Variants in SEC22C observed in about 807,000 individuals in gnomAD.
SEC22C encodes the protein SEC22 homolog C, vesicle trafficking protein, also known as vesicle-trafficking protein SEC22c.
In SEC22C, 29 loss-of-function variants were observed where a neutral mutation model predicts 34.7. The ratio of observed to expected loss-of-function variants is 0.84; its 90% CI spans 0.62 to 1.14. The LOEUF (loss-of-function observed/expected upper bound fraction) is 1.14. Among genes scored for constraint, SEC22C ranks in the 50% most tolerant of loss-of-function variants. SEC22C has a pLI of 0.00. For synonymous variants in SEC22C, 117 were observed against 132.8 expected, an observed-to-expected ratio of 0.88 and a Z score of 0.82; for missense variants, 337 against 369.0, an observed-to-expected ratio of 0.91 and a Z score of 0.71.
At position 42,548,990 on chromosome 3, in the gene SEC22C, T is replaced by C; in HGVS notation, c.*4258A>G. 9.5e-7 allele frequency: 1 copy of C among 1,053,278 alleles called. No individual in the cohort carries two copies. Among genetic ancestry groups the C allele is most frequent in the South Asian group, 3.6e-5 (1 of 27,998 alleles). The allele number at this position is 1,053,278 out of a possible 1,614,324, so 65.2% of individuals were successfully genotyped here. A position where few individuals can be genotyped will look rare whatever the true frequency, so the allele number is the denominator to read the frequency against. Reference sequence around the variant, plus strand: ...ATTGATGTTATCACCATTTACCAGATGAGGAAACTGAGGCCTGATGGGCAG... The same window carrying C: ...ATTGATGTTATCACCATTTACCAGACGAGGAAACTGAGGCCTGATGGGCAG... On this transcript the variant is annotated 3_prime_UTR_variant, in exon 7 of 7. Coordinates refer to ENST00000264454, the MANE Select transcript of SEC22C (RefSeq NM_032970.4).
At chr3:42,576,554 AC>A (rs1234988506) in intron 1 of SEC22C, among the ~76,000 whole-genome samples, 1 of 152,128 alleles carries the variant, frequency 6.6e-6, no homozygotes, top group African/African-American at 2.4e-5. Flanking sequence ...TAAATAAAAT[AC>A]TTAGATATAA....
rs377425944 is a variant in SEC22C at position 42,597,524 on chromosome 3, C to A, written c.-28+3436G>T. 2.7e-4 allele frequency among the ~76,000 whole-genome samples: 41 copies of A among 151,470 alleles called. No homozygotes were observed. The East Asian group carries it at 7.6e-3, about 28-fold the overall frequency. ...TGAGCCAAGATCGTGCCACTGCACT[C>A]CAACCTGGGCGACGGAGCGAGACTT... is the stretch of plus-strand genomic sequence containing the variant. On this transcript the variant is annotated intron_variant, in intron 1 of 6. Transcript: ENST00000417572.
At chr3:42,553,584 T>A in intron 6 of SEC22C, 136 bp from the exon 7 acceptor site, 1 of 1,310,896 alleles carries the variant, frequency 7.6e-7, no homozygotes, top group Non-Finnish European at 1.0e-6. Context: ...TTCATTACAG[T>A]AAAGCGTGGA....
In SEC22C at chr3:42,548,476, C is replaced by G. The variant is rs1702092063; in HGVS notation, c.*4772G>C. The G allele has an allele frequency of 1.1e-6, 1 of 930,010 alleles. No individual in the cohort carries two copies. The highest frequency in any genetic ancestry group is 1.7e-6 in the Non-Finnish European group (1 of 597,562). The allele number at this position is 930,010 out of a possible 1,614,324, so 57.6% of individuals were successfully genotyped here. Reference sequence around the variant, plus strand: ...ACACATGGGCAGATGTTTCCGAATCCAGCCATTCCCAGATTTCACTGACAT... The same window carrying G: ...ACACATGGGCAGATGTTTCCGAATCGAGCCATTCCCAGATTTCACTGACAT... On this transcript the variant is annotated 3_prime_UTR_variant, in exon 7 of 7. Transcript: ENST00000264454.
At chr3:42,558,262 C>T (rs958844260) in intron 4 of SEC22C, among the ~76,000 whole-genome samples, 3 of 151,764 alleles carry the variant, frequency 2.0e-5, no homozygotes, top group East Asian at 1.9e-4. Context: ...CAGCAGATCA[C>T]GTCAGCCCAG....
chr3:42,596,555 T>C (rs963855642), intron 1 of SEC22C, among the ~76,000 whole-genome samples: 1 of 152,204 alleles, frequency 6.6e-6, no homozygotes, highest in African/African-American at 2.4e-5. Flanking sequence ...TTTCTACCAC[T>C]CTTGGAAGAG....
chr3:42,580,081 T>G (rs1399507775), intron 1 of SEC22C, among the ~76,000 whole-genome samples: 2 of 152,236 alleles, frequency 1.3e-5, no homozygotes, highest in Non-Finnish European at 2.9e-5. Context: ...TCCCAGCATC[T>G]GTTTATAAAC....
At chr3:42,561,415 C>A (rs1039682691) in intron 3 of SEC22C, 119 bp from the exon 4 acceptor site, 2 of 977,630 alleles carry the variant, frequency 2.0e-6, no homozygotes, top group African/African-American at 3.2e-5. Context: ...CTGTCGCCCA[C>A]TCTGGAGTGC....
At chr3:42,591,443 T>A in intron 1 of SEC22C, 1 of 980,196 alleles carries the variant, frequency 1.0e-6, no homozygotes, top group Non-Finnish European at 1.6e-6. Flanking sequence ...TCCGCCTAGA[T>A]CGGCCTCCCA....
chr3:42,574,565 T>A (rs1189682632), intron 1 of SEC22C, among the ~76,000 whole-genome samples: 2 of 152,168 alleles, frequency 1.3e-5, no homozygotes, highest in Admixed American at 6.5e-5. Flanking sequence ...ATGAGTTTTC[T>A]AAATTATGTT....
intron 1 of SEC22C, among the ~76,000 whole-genome samples, chr3:42,569,717 A>T (rs1232081734): frequency 6.6e-6 from 1 of 152,244 alleles, no homozygotes; most frequent in South Asian, 2.1e-4. Flanking sequence ...ATCCCTACAT[A>T]TGGCTAAAGG....
chr3:42,596,898 T>G (rs1705047465), intron 1 of SEC22C, among the ~76,000 whole-genome samples: 1 of 152,214 alleles, frequency 6.6e-6, no homozygotes, highest in South Asian at 2.1e-4. Flanking sequence ...TGTTTAAGTA[T>G]ATCCCAAATT....
intron 1 of SEC22C, chr3:42,581,497 T>C (rs1475757623): frequency 1.3e-5 from 2 of 152,284 alleles, no homozygotes; most frequent in Non-Finnish European, 2.9e-5. Context: ...GATTAAACAA[T>C]GCTCTGACGT....
chr3:42,548,905 C>T lies in SEC22C; in HGVS notation c.*4343G>A, dbSNP rs1372396853. On this transcript the variant is annotated 3_prime_UTR_variant, in exon 7 of 7. Coordinates refer to ENST00000264454, the MANE Select transcript of SEC22C (RefSeq NM_032970.4). Reference sequence around the variant, plus strand: ...CTCCTCCCACACACAATGGACTCACCCAGTATTACCCTCCACTACCACTTT... The same window carrying T: ...CTCCTCCCACACACAATGGACTCACTCAGTATTACCCTCCACTACCACTTT... 2 of 1,321,726 alleles carry T rather than the reference C, an allele frequency of 1.5e-6. No individual in the cohort carries two copies. Among genetic ancestry groups the T allele is most frequent in the African/African-American group, 2.9e-5 (2 of 68,100 alleles). The allele number at this position is 1,321,726 out of a possible 1,614,324, so 81.9% of individuals were successfully genotyped here.
At chr3:42,566,606 G>C (rs967809184) in intron 2 of SEC22C, 2 of 158,276 alleles carry the variant, frequency 1.3e-5, no homozygotes, top group African/African-American at 4.8e-5. Flanking sequence ...GTGAACCCAA[G>C]AGGCAGAGCT....
At position 42,551,370 on chromosome 3, in the gene SEC22C, T is replaced by G; in HGVS notation, c.*1878A>C. 1 of 979,496 alleles carries G rather than the reference T, an allele frequency of 1.0e-6. No individual in the cohort carries two copies. Among genetic ancestry groups the G allele is most frequent in the Non-Finnish European group, 1.2e-6 (1 of 824,568 alleles). The allele number at this position is 979,496 out of a possible 1,614,324, so 60.7% of individuals were successfully genotyped here. Reference sequence around the variant, plus strand: ...TATTCAGACTTTTTAGAGACAGGGTTTCACTCTGTCATGCAGGCTGGGGTG... The same window carrying G: ...TATTCAGACTTTTTAGAGACAGGGTGTCACTCTGTCATGCAGGCTGGGGTG... On this transcript the variant is annotated 3_prime_UTR_variant, in exon 7 of 7. Transcript: ENST00000264454.
chr3:42,585,239 C>G (rs1469564242), upstream of SEC22C, among the ~76,000 whole-genome samples: 1 of 152,206 alleles, frequency 6.6e-6, no homozygotes, highest in Non-Finnish European at 1.5e-5. Context: ...CTGACTGGTG[C>G]AACTGGTGTG....
intron 1 of SEC22C, among the ~76,000 whole-genome samples, chr3:42,597,294 G>T (rs1440056323): frequency 6.6e-6 from 1 of 152,166 alleles, no homozygotes; most frequent in Non-Finnish European, 1.5e-5. Context: ...AGTGACTCAT[G>T]CCTGTAATCC....
At position 42,563,583 on chromosome 3, in the gene SEC22C, C is replaced by T; in HGVS notation, c.286G>A (p.Ala96Thr). The T allele has an allele frequency of 6.2e-7, 1 of 1,614,162 alleles. No homozygotes were observed. The highest frequency in any genetic ancestry group is 2.2e-5 in the East Asian group (1 of 44,880). ...CCAATGCAGGTAGTGTCATAGGAAG[C>T]TGTGAATTCCCACCACAGGGTCTCC... is the stretch of plus-strand genomic sequence containing the variant. ...FLETLWWEFTASYDTTCIGLA... is the reference protein window; with the variant it reads ...FLETLWWEFTTSYDTTCIGLA... The change falls in exon 3 of 7, where the codon GCT (alanine) becomes ACT (threonine). Residue 96 changes from alanine to threonine, a missense_variant. Physicochemically the swap from Ala to Thr is moderately conservative, Grantham distance 58 (BLOSUM62 0). Coordinates refer to ENST00000264454, the MANE Select transcript of SEC22C (RefSeq NM_032970.4).
Sources: gnomAD v4.1 joint callset for allele counts (sites outside exome capture counted in the v4.1 genomes callset) on GRCh38, gnomAD v4.1.1 for gene constraint, MANE v1.5 for transcripts, NCBI Gene and HGNC (gene_info 2026-07-23, HGNC 2026-07-21) for gene names.